PSG8: variants seen among roughly 807,000 people sequenced by gnomAD.
PSG8 encodes pregnancy-specific beta-1-glycoprotein 8.
A neutral mutation model predicts 42.5 loss-of-function variants in PSG8; 57 were observed. The ratio of observed to expected loss-of-function variants is 1.34; its 90% CI spans 1.08 to 1.67. PSG8 has a LOEUF of 1.67. PSG8 is among the 40% of genes most tolerant of loss of function. The pLI is 0.00. For synonymous variants in PSG8, 280 were observed against 196.8 expected, an observed-to-expected ratio of 1.42 and a Z score of -3.54; for missense variants, 783 against 518.6, an observed-to-expected ratio of 1.51 and a Z score of -4.95.
chr19:42,758,251 T>C lies in PSG8; in HGVS notation c.460A>G (p.Ser154Gly), dbSNP rs1366781239. ...LETPKPSISS[S>G]KLNPREAMEA... ...ATGGCCTCCCTGGGGTTTAATTTGC[T>C]GCTGGAGATGGAGGGCTTGGGAGTC... Residue 154 changes from serine to glycine, a missense_variant, in exon 3 of 5, where the codon AGC becomes GGC. Physicochemically the swap from Ser to Gly is moderately conservative, Grantham distance 56. Coordinates refer to ENST00000306511, the MANE Select transcript of PSG8 (RefSeq NM_182707.3). 5 of 1,613,996 alleles carry C rather than the reference T, an allele frequency of 3.1e-6. No individual in the cohort carries two copies. Among genetic ancestry groups the C allele is most frequent in the Non-Finnish European group, 4.2e-6 (5 of 1,179,940 alleles).
intron 2 of PSG8, among the ~76,000 whole-genome samples, chr19:42,762,193 C>T (rs1970094501): frequency 6.6e-6 from 1 of 151,792 alleles, no homozygotes; most frequent in East Asian, 1.9e-4. Context: ...CAGGGCTTGC[C>T]AGTCAGAATG....
chr19:42,760,772 C>T (rs1421210672), intron 2 of PSG8, among the ~76,000 whole-genome samples: 1 of 151,964 alleles, frequency 6.6e-6, no homozygotes, highest in African/African-American at 2.4e-5. Flanking sequence ...TTAGTAGAGA[C>T]GAGGTTTCAC....
intron 1 of PSG8, among the ~76,000 whole-genome samples, chr19:42,764,628 C>A (rs552029273): frequency 3.2e-4 from 49 of 152,214 alleles, no homozygotes; most frequent in Admixed American, 7.8e-4. Context: ...CCTTAGATTT[C>A]TTTCCTGACA....
intron 2 of PSG8, among the ~76,000 whole-genome samples, chr19:42,762,601 G>A (rs1235095670): frequency 6.6e-6 from 1 of 152,028 alleles, no homozygotes; most frequent in African/African-American, 2.4e-5. Flanking sequence ...CTGGTGTAGG[G>A]TGTGAGTGGG....
At chr19:42,762,384 C>G (rs112599803) in intron 2 of PSG8, among the ~76,000 whole-genome samples, 9,241 of 151,972 alleles carry the variant, frequency 0.061, 331 homozygotes, top group Middle Eastern at 0.13. Context: ...ATTACATGAG[C>G]TGGGGTGGCT....
intron 2 of PSG8, among the ~76,000 whole-genome samples, chr19:42,761,483 G>A (rs1023747313): frequency 2.6e-5 from 4 of 152,114 alleles, no homozygotes; most frequent in Non-Finnish European, 4.4e-5. Context: ...ATTGTAGAAC[G>A]TGAGATTGGT....
downstream of PSG8, among the ~76,000 whole-genome samples, chr19:42,753,624 T>G (rs562181177): frequency 2.0e-5 from 3 of 152,334 alleles, no homozygotes; most frequent in East Asian, 1.9e-4. Flanking sequence ...AATTTTCTTT[T>G]CTCTAAGTTT....
At chr19:42,763,887 A>G (rs763949093) in intron 2 of PSG8, 29 bp downstream of exon 2, 2 of 1,613,544 alleles carry the variant, frequency 1.2e-6, no homozygotes, top group Non-Finnish European at 8.5e-7. Flanking sequence ...CTGTCCCCCA[A>G]CACCCAGGGA....
downstream of PSG8, chr19:42,752,807 A>C (rs372060994): frequency 4.1e-4 from 77 of 188,968 alleles, no homozygotes; most frequent in African/African-American, 1.7e-3. Flanking sequence ...AGGGGACTCT[A>C]TTATAATTTC....
chr19:42,756,746 A>G (rs1568375723), intron 3 of PSG8, among the ~76,000 whole-genome samples: 1 of 151,828 alleles, frequency 6.6e-6, no homozygotes, highest in Non-Finnish European at 1.5e-5. Flanking sequence ...GCTGATTGCT[A>G]TTTTCTATGT....
chr19:42,758,397 C>A, intron 2 of PSG8, 117 bp from the exon 3 acceptor site: 1 of 1,527,914 alleles, frequency 6.5e-7, no homozygotes, highest in South Asian at 1.3e-5. Context: ...CTTAAAAGCC[C>A]ATGGCAGGTG....
Position 42,764,212 on chromosome 19 carries a change from A to C in PSG8, c.134T>G (p.Val45Gly), listed in dbSNP as rs1377659143. The change falls in exon 2 of 5, where the codon GTT (valine) becomes GGT (glycine). Residue 45 changes from valine to glycine, a missense_variant. Transcript: ENST00000306511. The part of the protein sequence containing the change: ...QVTIEAQPTK[V>G]SEGKDVLLLV... ...TAGAAGAACATCCTTCCCCTCAGAA[A>C]CTTTGGTTGGCTGGGCTTCAATCGT... 5 of 1,613,646 alleles carry C rather than the reference A, an allele frequency of 3.1e-6. No homozygotes were observed. In the African/African-American group the frequency reaches 4.0e-5, roughly 13 times the overall value.
chr19:42,755,295 C>T (rs1449226604), intron 3 of PSG8, 29 bp from the exon 4 acceptor site: 5 of 1,592,622 alleles, frequency 3.1e-6, no homozygotes, highest in Non-Finnish European at 4.3e-6. Context: ...GAAGATTGTC[C>T]TGTGTGGCAC....
intron 1 of PSG8, 22 bp downstream of exon 1, chr19:42,765,496 T>C: frequency 6.2e-7 from 1 of 1,609,016 alleles, no homozygotes; most frequent in Non-Finnish European, 8.5e-7. Flanking sequence ...TCCTGTCCTC[T>C]CCCAGGAGGT....
chr19:42,756,565 T>C (rs1429836348), intron 3 of PSG8, among the ~76,000 whole-genome samples: 1 of 152,132 alleles, frequency 6.6e-6, no homozygotes, highest in South Asian at 2.1e-4. Context: ...AGCATTTCTT[T>C]TCAGCATCAG....
At chr19:42,759,952 G>A (rs569322839) in intron 2 of PSG8, among the ~76,000 whole-genome samples, 3 of 152,254 alleles carry the variant, frequency 2.0e-5, no homozygotes, top group South Asian at 4.2e-4. Context: ...TAAAAGGACC[G>A]AACTGGGTAG....
downstream of PSG8, chr19:42,753,498 G>A (rs1969833079): frequency 4.5e-6 from 3 of 673,904 alleles, no homozygotes; most frequent in Admixed American, 2.3e-5. Context: ...TTTTACCAAT[G>A]ATAATTTCAG....
intron 3 of PSG8, 70 bp downstream of exon 3, chr19:42,757,932 A>C (rs1291179945): frequency 6.2e-7 from 1 of 1,613,776 alleles, no homozygotes; most frequent in Non-Finnish European, 8.5e-7. Context: ...AGAGGGACTG[A>C]GAGGCCTGGT....
chr19:42,759,099 C>T (rs1350949604), intron 2 of PSG8, among the ~76,000 whole-genome samples: 12 of 151,928 alleles, frequency 7.9e-5, no homozygotes, highest in Middle Eastern at 3.4e-3. Flanking sequence ...AATGCAGAAC[C>T]GACTGGTGGA....
Sources: allele counts gnomAD v4.1 joint callset (sites outside exome capture counted in the v4.1 genomes callset), GRCh38; gene constraint gnomAD v4.1.1; transcripts MANE v1.5; gene names NCBI Gene and HGNC (gene_info 2026-07-23, HGNC 2026-07-21).